Variants in CIZ1 observed in about 807,000 individuals in gnomAD.
CIZ1 encodes the protein CDKN1A interacting zinc finger protein 1, also known as cip1-interacting zinc finger protein.
A neutral mutation model predicts 118.6 loss-of-function variants in CIZ1; 58 were observed. That is an observed-to-expected ratio of 0.49 (90% CI 0.40 to 0.61). The LOEUF (loss-of-function observed/expected upper bound fraction) is 0.61, where lower values mean the gene tolerates loss of function less well. CIZ1 is among the 20% of genes least tolerant of loss of function. The pLI is 0.00. For missense variants in CIZ1, 921 were observed against 1,115.9 expected, an observed-to-expected ratio of 0.83 and a Z score of 2.49; for synonymous variants, 448 against 443.4, an observed-to-expected ratio of 1.01 and a Z score of -0.13.
intron 11 of CIZ1, among the ~76,000 whole-genome samples, chr9:128,170,706 TACA>T (rs1242927404): frequency 5.3e-5 from 8 of 152,334 alleles, no homozygotes; most frequent in Non-Finnish European, 1.2e-4. Context: ...GCATAGATTA[TACA>T]ACAAATTATG....
chr9:128,180,332 C>G, intron 7 of CIZ1, 83 bp downstream of exon 7: 6 of 983,928 alleles, frequency 6.1e-6, no homozygotes, highest in Non-Finnish European at 9.7e-6. Flanking sequence ...ATGGTGCACC[C>G]CCTCTGCCAT....
intron 5 of CIZ1, among the ~76,000 whole-genome samples, chr9:128,181,473 T>C (rs1025432339): frequency 7.2e-5 from 11 of 152,222 alleles, no homozygotes; most frequent in Non-Finnish European, 1.5e-5. Flanking sequence ...CATTAATCAT[T>C]AGTTGGTAGC....
chr9:128,197,489 T>A (rs1833404488), intron 1 of CIZ1: 1 of 152,318 alleles, frequency 6.6e-6, no homozygotes, highest in African/African-American at 2.4e-5. Context: ...GCCTCCCCAG[T>A]GGCTGTCGCT....
chr9:128,172,674 C>T (rs906937871), intron 11 of CIZ1, among the ~76,000 whole-genome samples: 1 of 151,946 alleles, frequency 6.6e-6, no homozygotes, highest in Non-Finnish European at 1.5e-5. Context: ...AGCATGATTC[C>T]GATTTTTATT....
Position 128,203,533 on chromosome 9 carries a change from T to C in CIZ1, c.-6+653A>G. Reference sequence around the variant, plus strand: ...TCAACCGGCTGCAAGACGCCTTCTCTGCCATCGGCCAGAACGCGGACCTCG... The same window carrying C: ...TCAACCGGCTGCAAGACGCCTTCTCCGCCATCGGCCAGAACGCGGACCTCG... On this transcript the variant is annotated intron_variant, in intron 1 of 17. Transcript: ENST00000372948. The surrounding 1 kb of genome is among the most constrained non-coding windows in gnomAD (Gnocchi z 5.3). 3 of 1,544,836 alleles carry C rather than the reference T, an allele frequency of 1.9e-6. No individual in the cohort carries two copies. Among genetic ancestry groups the C allele is most frequent in the Non-Finnish European group, 2.6e-6 (3 of 1,148,760 alleles).
chr9:128,189,278 T>C (rs1437719719), intron 3 of CIZ1, among the ~76,000 whole-genome samples: 1 of 152,144 alleles, frequency 6.6e-6, no homozygotes, highest in South Asian at 2.1e-4. Flanking sequence ...AAAAGGAAGA[T>C]GTATATGTAT....
chr9:128,177,546 C>CCAAAAAACA lies in CIZ1; in HGVS notation c.1818+19_1818+20insTGTTTTTTG. The CCAAAAAACA allele has an allele frequency of 3.7e-6, 5 of 1,353,450 alleles. No individual in the cohort carries two copies. Among genetic ancestry groups the CCAAAAAACA allele is most frequent in the Non-Finnish European group, 3.9e-6 (4 of 1,013,750 alleles). The allele number at this position is 1,353,450 out of a possible 1,614,324, so 83.8% of individuals were successfully genotyped here. Reference sequence around the variant, plus strand: ...CACGCAGGCCCCACCCCTCCCCACCCTTATCTCCTGTATCAGTACCTGCTG... The same window carrying CCAAAAAACA: ...CACGCAGGCCCCACCCCTCCCCACCCCAAAAAACATTATCTCCTGTATCAGTACCTGCTG... On this transcript the variant is annotated intron_variant, in intron 10 of 16. Coordinates refer to ENST00000372938, the MANE Select transcript of CIZ1 (RefSeq NM_001131016.2).
At chr9:128,190,895 C>T (rs1435657117) in intron 1 of CIZ1, 33 bp from the exon 2 acceptor site, 1 of 1,513,812 alleles carries the variant, frequency 6.6e-7, no homozygotes, top group South Asian at 1.3e-5. Flanking sequence ...GGCAAGGGGT[C>T]CCCACCATAA....
upstream of CIZ1, among the ~76,000 whole-genome samples, chr9:128,193,315 G>T (rs1446572340): frequency 6.6e-6 from 1 of 152,154 alleles, no homozygotes; most frequent in African/African-American, 2.4e-5. Context: ...CTGGAGAAGG[G>T]TGTGAACCTC....
intron 5 of CIZ1, 59 bp from the exon 6 acceptor site, chr9:128,180,873 G>T: frequency 7.8e-7 from 1 of 1,279,316 alleles, no homozygotes; most frequent in Non-Finnish European, 1.1e-6. Context: ...ATACCCCCTT[G>T]CCCAAGGGCA....
chr9:128,166,987 GAGA>G lies in CIZ1; in HGVS notation c.2365+105_2365+107del, dbSNP rs1244103781. 3.7e-5 allele frequency: 59 copies of G among 1,600,478 alleles called. No individual in the cohort carries two copies. Among genetic ancestry groups the G allele is most frequent in the Non-Finnish European group, 4.8e-5 (56 of 1,171,730 alleles). On this transcript the variant is annotated intron_variant, in intron 15 of 16. Coordinates refer to ENST00000372938, the MANE Select transcript of CIZ1 (RefSeq NM_001131016.2). This position sits in a 1 kb window ranked among gnomAD's most constrained non-coding sequence, Gnocchi z 4.4. ...CCCAACCCTCTAGGCAGGGGCAGAA[GAGA>G]AGGCTTCCCAGCCAGAATGCCATGG...
In CIZ1 at chr9:128,190,426, C is replaced by G. The variant is rs779199397; in HGVS notation, c.189G>C (p.Gln63His). The change falls in exon 3 of 17, where the codon CAG (glutamine) becomes CAC (histidine). Residue 63 changes from glutamine to histidine, a missense_variant. Physicochemically the swap from Gln to His is conservative, Grantham distance 24. Coordinates refer to ENST00000372938, the MANE Select transcript of CIZ1 (RefSeq NM_001131016.2). The part of the protein sequence containing the change: ...MAVSRGLPPQ[Q>H]PQQPLLNLQG... Reference sequence around the variant, plus strand: ...GGAGATTCAGAAGCGGCTGCTGTGGCTGCTGCGGGGGGAGCCCCCTGTGTG... The same window carrying G: ...GGAGATTCAGAAGCGGCTGCTGTGGGTGCTGCGGGGGGAGCCCCCTGTGTG... 6.2e-7 allele frequency: 1 copy of G among 1,613,212 alleles called. No homozygotes were observed. The highest frequency in any genetic ancestry group is 1.3e-5 in the African/African-American group (1 of 74,900).
In CIZ1 at chr9:128,166,727, C is replaced by T. The variant is rs758593299; in HGVS notation, c.2487+32G>A. On this transcript the variant is annotated intron_variant, in intron 16 of 16. Transcript: ENST00000372938. This position sits in a 1 kb window ranked among gnomAD's most constrained non-coding sequence, Gnocchi z 4.4. Reference sequence around the variant, plus strand: ...CTTGGATTAAGACTAAGTCTGTGGCCAGGGGAGGACAGGGCAGGATGTCCG... The same window carrying T: ...CTTGGATTAAGACTAAGTCTGTGGCTAGGGGAGGACAGGGCAGGATGTCCG... The T allele has an allele frequency of 1.9e-6, 3 of 1,613,864 alleles. No homozygotes were observed. Among genetic ancestry groups the T allele is most frequent in the East Asian group, 4.5e-5 (2 of 44,896 alleles).
upstream of CIZ1, among the ~76,000 whole-genome samples, chr9:128,192,263 G>A (rs1044114375): frequency 5.9e-5 from 9 of 151,920 alleles, no homozygotes; most frequent in Non-Finnish European, 1.2e-4. Flanking sequence ...CCAGCTACTC[G>A]GGAGGCTAAG....
chr9:128,177,448 A>T, intron 10 of CIZ1, 118 bp downstream of exon 10: 1 of 696,862 alleles, frequency 1.4e-6, no homozygotes, highest in Non-Finnish European at 2.2e-6. Flanking sequence ...ATGTTTCCCA[A>T]GCAAATGCAT....
At position 128,166,243 on chromosome 9, in the gene CIZ1, G is replaced by A. The variant is rs546872134; in HGVS notation, c.2651C>T (p.Pro884Leu). The A allele has an allele frequency of 2.0e-6, 3 of 1,526,990 alleles. No homozygotes were observed. The South Asian group carries it at 3.8e-5, about 19-fold the overall frequency. The allele number at this position is 1,526,990 out of a possible 1,614,324, so 94.6% of individuals were successfully genotyped here. Residue 884 changes from proline to leucine, a missense_variant, in exon 17 of 17, where the codon CCC (proline) becomes CTC (leucine). Transcript: ENST00000372938. This position sits in a 1 kb window ranked among gnomAD's most constrained non-coding sequence, Gnocchi z 4.4. Reference sequence around the variant, plus strand: ...GCGCCGAGGTAGTGGGGGCTGGGAGGGTCGAGCCGTCACCTTGCTGGGTGT... The same window carrying A: ...GCGCCGAGGTAGTGGGGGCTGGGAGAGTCGAGCCGTCACCTTGCTGGGTGT... ...DKTPSKVTAR[P>L]SQPPLPRRST...
chr9:128,190,879 G>A lies in CIZ1; in HGVS notation c.-5-17C>T. The A allele has an allele frequency of 6.5e-7, 1 of 1,527,530 alleles. No individual in the cohort carries two copies. The highest frequency in any genetic ancestry group is 8.8e-7 in the Non-Finnish European group (1 of 1,141,520). The allele number at this position is 1,527,530 out of a possible 1,614,324, so 94.6% of individuals were successfully genotyped here. A position where few individuals can be genotyped will look rare whatever the true frequency, so the allele number is the denominator to read the frequency against. On this transcript the variant is annotated splice_polypyrimidine_tract_variant and intron_variant, in intron 1 of 16. Transcript: ENST00000372938. ...ACATGGTGGCTAGGGGCAGAAAGCA[G>A]AGTGAGGCAAGGGGTCCCCACCATA...
chr9:128,204,123 G>A (rs1050601487), intron 1 of CIZ1: 1 of 152,734 alleles, frequency 6.5e-6, no homozygotes, highest in African/African-American at 2.4e-5. Context: ...CCAGTCCCTA[G>A]AAGAGGACGT....
rs1184033137 is a variant in CIZ1, at chr9:128,177,678, A to C, written c.1706T>G (p.Val569Gly). 2 of 1,603,602 alleles carry C rather than the reference A, an allele frequency of 1.2e-6. No individual in the cohort carries two copies. The highest frequency in any genetic ancestry group is 2.7e-5 in the African/African-American group (2 of 74,698). Residue 569 changes from valine to glycine, a missense_variant, in exon 10 of 17, where the codon GTC becomes GGC. Transcript: ENST00000372938. ...RAFSTVPLTP[V>G]PRPSDSVSST... Reference sequence around the variant, plus strand: ...GGAGACGGAGTCACTGGGGCGGGGGACAGGTGTCAGGGGTACAGTGCTAAA... The same window carrying C: ...GGAGACGGAGTCACTGGGGCGGGGGCCAGGTGTCAGGGGTACAGTGCTAAA...
Sources: allele counts gnomAD v4.1 joint callset (sites outside exome capture counted in the v4.1 genomes callset), GRCh38; gene constraint gnomAD v4.1.1; non-coding constraint Gnocchi (gnomAD v3.1); transcripts MANE v1.5; gene names NCBI Gene and HGNC (gene_info 2026-07-23, HGNC 2026-07-21).